CIRSR: variants seen among roughly 807,000 people sequenced by gnomAD.
CIRSR encodes the protein corepressor of RBPJ and splicing regulator.
the CIRSR span, among the ~76,000 whole-genome samples, chr2:174,367,748 A>T: frequency 6.7e-6 from 1 of 149,138 alleles, no homozygotes; most frequent in East Asian, 1.9e-4. Context: ...TGTCTCTTAA[A>T]AAAAAAAAAA....
chr2:174,382,202 C>CA, the CIRSR span, among the ~76,000 whole-genome samples: 1 of 151,716 alleles, frequency 6.6e-6, no homozygotes, highest in African/African-American at 2.4e-5. Context: ...TTTTTCCCAC[C>CA]AAAAAAAGAA....
chr2:174,377,849 C>CAAAAAAAAAAAAAAAAAAAAAAAA, the CIRSR span, among the ~76,000 whole-genome samples: 1 of 110,324 alleles, frequency 9.1e-6, no homozygotes, highest in South Asian at 3.1e-4. Flanking sequence ...AAAAAAAAAC[C>CAAAAAAAAAAAAAAAAAAAAAAAA]AAACTTATTC....
chr2:174,354,357 A>G, the CIRSR span, among the ~76,000 whole-genome samples: 386 of 127,090 alleles, frequency 3.0e-3, 1 homozygote, highest in Non-Finnish European at 4.8e-3. Context: ...TTTATAAGAT[A>G]TATTATATAT....
At chr2:174,356,556 G>A in the CIRSR span, among the ~76,000 whole-genome samples, 2 of 111,946 alleles carry the variant, frequency 1.8e-5, no homozygotes, top group South Asian at 6.2e-4. Context: ...GGAAGGAAAG[G>A]AAGAAAGAAA....
At chr2:174,367,551 G>A in the CIRSR span, among the ~76,000 whole-genome samples, 1 of 151,978 alleles carries the variant, frequency 6.6e-6, no homozygotes, top group Admixed American at 6.6e-5. Context: ...CTGCACTCCA[G>A]CTGGGCAACA....
the CIRSR span, among the ~76,000 whole-genome samples, chr2:174,366,920 G>A: frequency 6.6e-6 from 1 of 152,048 alleles, no homozygotes; most frequent in Non-Finnish European, 1.5e-5. Context: ...ATACAAAAGT[G>A]GTTCTAGGGC....
the CIRSR span, chr2:174,380,738 C>A: frequency 2.5e-6 from 4 of 1,609,548 alleles, no homozygotes; most frequent in Middle Eastern, 5.0e-4. Context: ...ATTGAAAATT[C>A]TTTTAATTTT....
At chr2:174,377,846 A>AAAAAAAC in the CIRSR span, among the ~76,000 whole-genome samples, 1 of 151,408 alleles carries the variant, frequency 6.6e-6, no homozygotes, top group Non-Finnish European at 1.5e-5. Flanking sequence ...AAAAAAAAAA[A>AAAAAAAC]ACCAAACTTA....
At chr2:174,364,484 T>C in the CIRSR span, among the ~76,000 whole-genome samples, 1 of 152,158 alleles carries the variant, frequency 6.6e-6, no homozygotes, top group Non-Finnish European at 1.5e-5. Context: ...TACTGCTTAG[T>C]AGCCTCTGTG....
the CIRSR span, among the ~76,000 whole-genome samples, chr2:174,371,783 CA>C: frequency 5.9e-5 from 9 of 152,100 alleles, no homozygotes; most frequent in Non-Finnish European, 1.5e-5. Context: ...AATGCAACAC[CA>C]GGGGGTGTGG....
the CIRSR span, chr2:174,380,569 TGAAA>T: frequency 4.6e-6 from 6 of 1,315,566 alleles, no homozygotes; most frequent in African/African-American, 7.4e-5. Context: ...CTCTAATGAT[TGAAA>T]AAGCAACATA....
the CIRSR span, among the ~76,000 whole-genome samples, chr2:174,390,991 G>A: frequency 6.6e-6 from 1 of 152,194 alleles, no homozygotes; most frequent in Non-Finnish European, 1.5e-5. Context: ...ATAGCAGCAT[G>A]AGAACAGACT....
chr2:174,380,556 C>A, the CIRSR span: 1 of 1,110,354 alleles, frequency 9.0e-7, no homozygotes, highest in South Asian at 1.4e-5. Context: ...CATCAGTTGC[C>A]TCCTCTAATG....
the CIRSR span, chr2:174,351,829 C>A: frequency 1.5e-6 from 1 of 677,840 alleles, no homozygotes; most frequent in Admixed American, 3.4e-5. Flanking sequence ...AAAATCACAG[C>A]TAAATCAACT....
the CIRSR span, among the ~76,000 whole-genome samples, chr2:174,390,756 G>A: frequency 6.3e-4 from 96 of 152,284 alleles, no homozygotes; most frequent in East Asian, 3.7e-3. Context: ...TGGTGTTTTC[G>A]TGATAGTGAG....
the CIRSR span, among the ~76,000 whole-genome samples, chr2:174,358,861 C>T: frequency 6.6e-6 from 1 of 152,060 alleles, no homozygotes; most frequent in African/African-American, 2.4e-5. Context: ...TACAGGTGCA[C>T]GCCACCACGC....
chr2:174,348,712 T>G, the CIRSR span: 2 of 1,614,224 alleles, frequency 1.2e-6, no homozygotes, highest in East Asian at 4.5e-5. Flanking sequence ...CTGCCGTGGC[T>G]TCTGCTGCTC....
At chr2:174,372,659 C>T in the CIRSR span, among the ~76,000 whole-genome samples, 4 of 152,138 alleles carry the variant, frequency 2.6e-5, no homozygotes, top group Admixed American at 6.5e-5. Context: ...TTCAGCTCAC[C>T]GCAACCTCTG....
the CIRSR span, among the ~76,000 whole-genome samples, chr2:174,393,317 T>C: frequency 4.6e-5 from 7 of 152,234 alleles, no homozygotes; most frequent in South Asian, 1.5e-3. Context: ...CATAAATGAT[T>C]GAGGCAGCGC....
Sources: gnomAD v4.1 joint callset for allele counts (sites outside exome capture counted in the v4.1 genomes callset) on GRCh38, gnomAD v4.1.1 for gene constraint, MANE v1.5 for transcripts, NCBI Gene and HGNC (gene_info 2026-07-23, HGNC 2026-07-21) for gene names.